The following DCLK2 variants were observed in gnomAD, a reference collection of about 807,000 sequenced individuals.
DCLK2 encodes serine/threonine-protein kinase DCLK2.
Under a neutral mutation model 78.4 loss-of-function variants are expected in DCLK2, and 31 were observed. The ratio of observed to expected loss-of-function variants is 0.40; its 90% CI spans 0.30 to 0.53. The LOEUF (loss-of-function observed/expected upper bound fraction) is 0.53. Among genes scored for constraint, DCLK2 ranks in the 20% least tolerant of loss-of-function variants. The pLI is 0.61. For missense variants in DCLK2, 872 were observed against 973.7 expected, an observed-to-expected ratio of 0.90 and a Z score of 1.39; for synonymous variants, 407 against 374.9, an observed-to-expected ratio of 1.09 and a Z score of -0.99.
At position 150,256,267 on chromosome 4, in the gene DCLK2, A is replaced by T. The variant is rs1241345086; in HGVS notation, c.*20A>T. ...GACTGAGCCTCCTGCAGACGGGCGA[A>T]GCCGCCTGCTGCAGCCCAGGAAGCC... On this transcript the variant is annotated 3_prime_UTR_variant, in exon 16 of 16. Coordinates refer to ENST00000296550, the MANE Select transcript of DCLK2 (RefSeq NM_001040260.4). 1 of 1,477,804 alleles carries T rather than the reference A, an allele frequency of 6.8e-7. No homozygotes were observed. Among genetic ancestry groups the T allele is most frequent in the East Asian group, 2.5e-5 (1 of 40,166 alleles). 91.5% of individuals were successfully genotyped at this position (1,477,804 alleles called of 1,614,324 possible). A position where few individuals can be genotyped will look rare whatever the true frequency, so the allele number is the denominator to read the frequency against.
chr4:150,215,181 A>C (rs1036542550), intron 5 of DCLK2, among the ~76,000 whole-genome samples: 1 of 152,186 alleles, frequency 6.6e-6, no homozygotes, highest in Non-Finnish European at 1.5e-5. Context: ...ACCAAAAAAA[A>C]CAATAAGCAC....
At chr4:150,157,416 C>T (rs950451120) in intron 2 of DCLK2, among the ~76,000 whole-genome samples, 12 of 151,954 alleles carry the variant, frequency 7.9e-5, no homozygotes, top group African/African-American at 2.7e-4. Context: ...CCACCCTCTT[C>T]TCTGAGTATC....
chr4:150,087,175 T>C lies in DCLK2; in HGVS notation c.421+7727T>C, dbSNP rs114789210. On this transcript the variant is annotated intron_variant, in intron 1 of 15. Transcript: ENST00000296550. ...GTAATTTGTCAGAAGCTTTTCCTTA[T>C]AGACTAAAGGAATGGTAAAATACCG... Among the ~76,000 whole-genome samples, 1,519 of 152,344 alleles carry C rather than the reference T, an allele frequency of 1.0e-2. 10 individuals are homozygous for C. The highest frequency in any genetic ancestry group is 0.015 in the Non-Finnish European group (1,053 of 68,032).
At chr4:150,115,531 G>A (rs1274893365) in intron 2 of DCLK2, among the ~76,000 whole-genome samples, 2 of 151,930 alleles carry the variant, frequency 1.3e-5, no homozygotes, top group South Asian at 2.1e-4. Context: ...TTATTTTTGT[G>A]GGGTTTTTTT....
At chr4:150,199,555 T>C (rs1437486388) in intron 4 of DCLK2, among the ~76,000 whole-genome samples, 1 of 152,242 alleles carries the variant, frequency 6.6e-6, no homozygotes, top group African/African-American at 2.4e-5. Context: ...GTGTTTCTTA[T>C]ACATACAGGG....
At chr4:150,156,427 G>T (rs183050675) in intron 2 of DCLK2, among the ~76,000 whole-genome samples, 2 of 151,890 alleles carry the variant, frequency 1.3e-5, no homozygotes, top group Admixed American at 1.3e-4. Context: ...TGGGTGGCTT[G>T]CTTGATCCCA....
chr4:150,139,715 A>G (rs1733975287), intron 2 of DCLK2, among the ~76,000 whole-genome samples: 4 of 152,248 alleles, frequency 2.6e-5, no homozygotes, highest in African/African-American at 4.8e-5. Context: ...TATCATTAAC[A>G]ATGAAGCAGT....
chr4:150,201,602 C>T (rs1343404546), intron 4 of DCLK2, among the ~76,000 whole-genome samples: 1 of 152,156 alleles, frequency 6.6e-6, no homozygotes, highest in African/African-American at 2.4e-5. Context: ...TAGGCCTGGG[C>T]AGGGGATGTA....
intron 2 of DCLK2, among the ~76,000 whole-genome samples, chr4:150,150,949 C>T (rs1161894405): frequency 6.6e-6 from 1 of 152,250 alleles, no homozygotes; most frequent in Non-Finnish European, 1.5e-5. Context: ...ACTGTGGCTA[C>T]ACAGTCCTCC....
chr4:150,192,743 C>T (rs1000825403), intron 2 of DCLK2, among the ~76,000 whole-genome samples: 4 of 152,036 alleles, frequency 2.6e-5, no homozygotes, highest in African/African-American at 9.7e-5. Context: ...CAAGGTCACA[C>T]AGTGGGAAGC....
intron 2 of DCLK2, among the ~76,000 whole-genome samples, chr4:150,148,313 TGAGATGGTGTCATTGCACTC>T (rs1734626645): frequency 6.6e-6 from 1 of 151,376 alleles, no homozygotes; most frequent in Non-Finnish European, 1.5e-5. Flanking sequence ...TGTAGTGAGC[TGAGATGGTGTCATTGCACTC>T]CAGCCTGGGC....
chr4:150,091,440 A>G (rs902677807), intron 1 of DCLK2, among the ~76,000 whole-genome samples: 4 of 151,816 alleles, frequency 2.6e-5, no homozygotes, highest in African/African-American at 7.2e-5. Context: ...GTGTGTGTGT[A>G]TCCTTTTCTC....
intron 2 of DCLK2, among the ~76,000 whole-genome samples, chr4:150,128,269 T>A (rs1375930339): frequency 6.6e-6 from 1 of 152,130 alleles, no homozygotes; most frequent in African/African-American, 2.4e-5. Flanking sequence ...AAACCATGAC[T>A]TAATTTGATG....
At chr4:150,197,145 C>G (rs955982253) in intron 3 of DCLK2, among the ~76,000 whole-genome samples, 9 of 94,372 alleles carry the variant, frequency 9.5e-5, no homozygotes, top group African/African-American at 3.3e-4. Context: ...CAGAGCGAGA[C>G]TCCGTCTCAA....
At chr4:150,239,444 A>G in intron 10 of DCLK2, among the ~76,000 whole-genome samples, 1 of 152,200 alleles carries the variant, frequency 6.6e-6, no homozygotes, top group Middle Eastern at 3.4e-3. Flanking sequence ...CAAAAAATAA[A>G]GAAATTAGCC....
At chr4:150,247,901 T>G (rs532137974) in intron 13 of DCLK2, among the ~76,000 whole-genome samples, 138 of 152,360 alleles carry the variant, frequency 9.1e-4, no homozygotes, top group African/African-American at 3.2e-3. Flanking sequence ...TCTTTCCAGT[T>G]TCCCTCCATC....
At chr4:150,245,971 G>A (rs980070691) in intron 12 of DCLK2, among the ~76,000 whole-genome samples, 12 of 151,936 alleles carry the variant, frequency 7.9e-5, no homozygotes, top group South Asian at 2.1e-4. Flanking sequence ...TGTTTATTGC[G>A]GCACTATTCA....
chr4:150,236,074 A>T (rs1742480750), intron 10 of DCLK2, among the ~76,000 whole-genome samples: 1 of 152,198 alleles, frequency 6.6e-6, no homozygotes, highest in Non-Finnish European at 1.5e-5. Context: ...CTTCTAAATC[A>T]TTAAGTTGAC....
chr4:150,111,490 CATTTT>C (rs1731690496), intron 2 of DCLK2, among the ~76,000 whole-genome samples: 1 of 152,082 alleles, frequency 6.6e-6, no homozygotes, highest in Admixed American at 6.6e-5. Flanking sequence ...AATTAGGTCT[CATTTT>C]ATTTATTTTG....
Sources: allele counts gnomAD v4.1 joint callset (sites outside exome capture counted in the v4.1 genomes callset), GRCh38; gene constraint gnomAD v4.1.1; transcripts MANE v1.5; gene names NCBI Gene and HGNC (gene_info 2026-07-23, HGNC 2026-07-21).